The following SMARCE1 variants were observed in gnomAD, a reference collection of about 807,000 sequenced individuals.
SMARCE1 encodes SWI/SNF related BAF chromatin remodeling complex subunit E1, also known as SWI/SNF-related matrix-associated actin-dependent regulator of chromatin subfamily E member 1.
SMARCE1 carries 13 observed loss-of-function variants against 54.9 expected under a neutral mutation model. That is an observed-to-expected ratio of 0.24 (90% CI 0.15 to 0.38). The LOEUF is 0.38. Ranked by LOEUF, SMARCE1 falls within the 10% of genes least tolerant of loss-of-function variation. The pLI is 1.00. For synonymous variants in SMARCE1, 151 were observed against 175.3 expected (o/e 0.86, Z 1.10); for missense variants, 295 against 523.8 (o/e 0.56, Z 4.26).
intron 10 of SMARCE1, chr17:40,629,984 CCAA>C (rs2037073715): frequency 1.0e-5 from 4 of 387,896 alleles, no homozygotes; most frequent in African/African-American, 8.3e-5. Context: ...CATCTGAGTA[CCAA>C]GTATGACTAC....
Position 40,636,536 on chromosome 17 carries a change from A to T in SMARCE1, c.238-10T>A. On this transcript the variant is annotated splice_polypyrimidine_tract_variant and intron_variant, in intron 5 of 10. Coordinates refer to ENST00000348513, the MANE Select transcript of SMARCE1 (RefSeq NM_003079.5). ...TTACTTGGTCCCAGACCTTAAAAAG[A>T]AAACAGATGAAATGTTAATACTGAT... is the stretch of plus-strand genomic sequence containing the variant. 1.9e-6 allele frequency: 3 copies of T among 1,606,668 alleles called. No individual in the cohort carries two copies. Among genetic ancestry groups the T allele is most frequent in the Non-Finnish European group, 2.6e-6 (3 of 1,173,696 alleles).
At chr17:40,644,942 A>G (rs769986658) in intron 3 of SMARCE1, 1 of 152,202 alleles carries the variant, frequency 6.6e-6, no homozygotes, top group Non-Finnish European at 1.5e-5. Flanking sequence ...GGGTTGGAAA[A>G]TTATTTTACA....
At chr17:40,639,540 A>G (rs987972553) in intron 4 of SMARCE1, among the ~76,000 whole-genome samples, 8 of 152,320 alleles carry the variant, frequency 5.3e-5, no homozygotes, top group African/African-American at 1.9e-4. Context: ...ATCACATTTT[A>G]TATTAATGGA....
chr17:40,631,210 T>G (rs2037092078), intron 9 of SMARCE1: 1 of 346,168 alleles, frequency 2.9e-6, no homozygotes, highest in South Asian at 7.2e-5. Context: ...GCTTCCGTTT[T>G]ACATTTTGGG....
intron 5 of SMARCE1, chr17:40,637,126 C>T (rs2037154315): frequency 4.7e-6 from 1 of 212,384 alleles, no homozygotes; most frequent in Admixed American, 5.3e-5. Flanking sequence ...TGTGTTTTCC[C>T]CCTTCAAACT....
intron 8 of SMARCE1, 172 bp downstream of exon 8, chr17:40,632,023 C>T: frequency 1.7e-6 from 1 of 580,176 alleles, no homozygotes; most frequent in Non-Finnish European, 3.0e-6. Context: ...TTTTTAATGA[C>T]AAACTTATTA....
Position 40,632,337 on chromosome 17 carries a change from G to T in SMARCE1, c.572C>A (p.Thr191Lys), listed in dbSNP as rs1384165093. The T allele has an allele frequency of 6.2e-7, 1 of 1,613,768 alleles. No homozygotes were observed. The highest frequency in any genetic ancestry group is 8.5e-7 in the Non-Finnish European group (1 of 1,179,856). ...DYDDGFSMKH[T>K]ATARFQRNHR... Reference sequence around the variant, plus strand: ...GTTTCTCTGGAAACGGGCGGTGGCTGTATGCTTCATTGAAAAGCCATCATC... The same window carrying T: ...GTTTCTCTGGAAACGGGCGGTGGCTTTATGCTTCATTGAAAAGCCATCATC... The change falls in exon 8 of 11, where the codon ACA becomes AAA. Residue 191 changes from threonine (T) to lysine (K), a missense_variant. By Grantham distance (78) the Thr-to-Lys change is moderately conservative. Around this residue, in one of 5 missense-constraint regions of SMARCE1, gnomAD observed 101 missense variants for 183.1 expected, o/e 0.55. Coordinates refer to ENST00000348513, the MANE Select transcript of SMARCE1 (RefSeq NM_003079.5).
chr17:40,630,693 C>G (rs370270465), intron 10 of SMARCE1, 21 bp downstream of exon 10: 2 of 1,599,660 alleles, frequency 1.3e-6, no homozygotes, highest in African/African-American at 2.7e-5. Context: ...ACTGCCTCTG[C>G]GTTTGTTGCT....
Position 40,632,281 on chromosome 17 carries a change from T to C in SMARCE1, c.628A>G (p.Ser210Gly). 1 of 1,614,012 alleles carries C rather than the reference T, an allele frequency of 6.2e-7. No homozygotes were observed. Residue 210 changes from serine to glycine, a missense_variant, in exon 8 of 11, where the codon AGT becomes GGT. Around this residue, in one of 5 missense-constraint regions of SMARCE1, gnomAD observed 101 missense variants for 183.1 expected, o/e 0.55. Coordinates refer to ENST00000348513, the MANE Select transcript of SMARCE1 (RefSeq NM_003079.5). ...ACTGACCGAACGTCTGGCACCACAC[T>C]CTCACTAAGAATTTCACTGATGAGG... is the stretch of plus-strand genomic sequence containing the variant. Reference protein sequence around the residue: ...HRLISEILSESVVPDVRSVVT... With the variant: ...HRLISEILSEGVVPDVRSVVT...
intron 1 of SMARCE1, among the ~76,000 whole-genome samples, chr17:40,646,443 T>C (rs920288123): frequency 4.6e-5 from 7 of 152,220 alleles, no homozygotes; most frequent in Non-Finnish European, 1.0e-4. Flanking sequence ...TTTCAAAATT[T>C]TTCTCCTCAA....
chr17:40,629,695 A>T, intron 10 of SMARCE1: 2 of 402,876 alleles, frequency 5.0e-6, no homozygotes, highest in Non-Finnish European at 8.6e-6. Context: ...GACATGCCCC[A>T]TTCATAGATG....
chr17:40,647,295 G>A (rs531884818), intron 1 of SMARCE1: 55 of 152,364 alleles, frequency 3.6e-4, no homozygotes, highest in African/African-American at 1.3e-3. Flanking sequence ...GGGAGTCTCG[G>A]AAAGTTTAAA....
chr17:40,643,569 G>C (rs2037219945), intron 3 of SMARCE1: 1 of 152,208 alleles, frequency 6.6e-6, no homozygotes, highest in Admixed American at 6.5e-5. Context: ...ATAGTAGAGA[G>C]AGACCAAAAT....
chr17:40,643,796 G>C (rs2037222285), intron 3 of SMARCE1: 2 of 152,116 alleles, frequency 1.3e-5, no homozygotes, highest in Non-Finnish European at 2.9e-5. Flanking sequence ...TATTACATTT[G>C]ATACTCTTTA....
rs1035809077 is a variant in SMARCE1, at chr17:40,642,421, G to A, written c.156+34C>T. On this transcript the variant is annotated intron_variant, in intron 4 of 10. Coordinates refer to ENST00000348513, the MANE Select transcript of SMARCE1 (RefSeq NM_003079.5). The surrounding 1 kb of genome is among the most constrained non-coding windows in gnomAD (Gnocchi z 4.6). ...AAGGCATTTCTGGTCAATTCCAGTTGTTTGCCGGATGCTGTAATAGTTGAT... is the reference window on the plus strand; with the variant it reads ...AAGGCATTTCTGGTCAATTCCAGTTATTTGCCGGATGCTGTAATAGTTGAT... 1.3e-5 allele frequency: 17 copies of A among 1,268,108 alleles called. No individual in the cohort carries two copies. Among genetic ancestry groups the A allele is most frequent in the Admixed American group, 8.4e-5 (5 of 59,510 alleles). The allele number at this position is 1,268,108 out of a possible 1,614,324, so 78.6% of individuals were successfully genotyped here. A position where few individuals can be genotyped will look rare whatever the true frequency, so the allele number is the denominator to read the frequency against.
chr17:40,635,069 T>G (rs2037132456), intron 7 of SMARCE1: 1 of 152,106 alleles, frequency 6.6e-6, no homozygotes, highest in Non-Finnish European at 1.5e-5. Flanking sequence ...TATTCTTGTC[T>G]TCAGGTACTA....
In SMARCE1 at chr17:40,638,401, A is replaced by G. The variant is rs117718875; in HGVS notation, c.157-829T>C. On this transcript the variant is annotated intron_variant, in intron 4 of 10. Coordinates refer to ENST00000348513, the MANE Select transcript of SMARCE1 (RefSeq NM_003079.5). ...GTGATGTACAGGAAAAGAGAGACAG[A>G]AGAAAAGGAGGCGGAGGGAAGACTG... is the stretch of plus-strand genomic sequence containing the variant. Among the ~76,000 whole-genome samples, 81 of 152,316 alleles carry G rather than the reference A, an allele frequency of 5.3e-4. 1 individual carries two copies. The East Asian group carries it at 0.012, about 22-fold the overall frequency.
At chr17:40,629,059 TAC>T (rs1399524498) in intron 10 of SMARCE1, 66 bp from the exon 11 acceptor site, 3 of 1,351,668 alleles carry the variant, frequency 2.2e-6, no homozygotes, top group Non-Finnish European at 3.2e-6. Flanking sequence ...GCTGACAGTA[TAC>T]AGCTGTGCTG....
chr17:40,645,285 T>C, intron 3 of SMARCE1: 1 of 409,026 alleles, frequency 2.4e-6, no homozygotes, highest in Non-Finnish European at 4.3e-6. Flanking sequence ...TGAAGATTAA[T>C]AAGAAAGAAA....
Sources: allele counts gnomAD v4.1 joint callset (sites outside exome capture counted in the v4.1 genomes callset), GRCh38; gene constraint gnomAD v4.1.1; regional missense constraint gnomAD v4.1.1; non-coding constraint Gnocchi (gnomAD v3.1); transcripts MANE v1.5; gene names NCBI Gene and HGNC (gene_info 2026-07-23, HGNC 2026-07-21).